Variants in TMEM132D observed in about 807,000 individuals in gnomAD.
The protein encoded by TMEM132D is transmembrane protein 132D.
TMEM132D carries 21 observed loss-of-function variants against 62.3 expected under a neutral mutation model. The observed-to-expected ratio is 0.34, with a 90% CI of 0.24 to 0.49. TMEM132D has a LOEUF of 0.49. Ranked by LOEUF, TMEM132D falls within the 20% of genes least tolerant of loss-of-function variation. The probability of loss-of-function intolerance (pLI) is 0.99; values close to 1 mark genes in which losing one functional copy is unlikely to be tolerated. For missense variants in TMEM132D, 1,346 were observed against 1,402.8 expected (o/e 0.96, Z 0.65); for synonymous variants, 621 against 575.6 (o/e 1.08, Z -1.13).
chr12:129,655,748 G>A (rs1880055338), intron 2 of TMEM132D, among the ~76,000 whole-genome samples: 1 of 152,092 alleles, frequency 6.6e-6, no homozygotes. Context: ...GCTGCTATCT[G>A]TTGAACCGGA....
chr12:129,802,183 G>A (rs1205554763), intron 1 of TMEM132D, among the ~76,000 whole-genome samples: 1 of 151,350 alleles, frequency 6.6e-6, no homozygotes, highest in Admixed American at 6.6e-5. Context: ...AGGAAATACA[G>A]AGAACGCCAC....
At chr12:129,510,427 T>C (rs948409597) in intron 3 of TMEM132D, among the ~76,000 whole-genome samples, 1 of 152,214 alleles carries the variant, frequency 6.6e-6, no homozygotes, top group African/African-American at 2.4e-5. Context: ...CTCTTCACTT[T>C]GTTGATTGTA....
intron 3 of TMEM132D, among the ~76,000 whole-genome samples, chr12:129,346,399 T>C (rs1026514131): frequency 1.3e-5 from 2 of 152,176 alleles, no homozygotes; most frequent in African/African-American, 4.8e-5. Flanking sequence ...CCTGGGTTCA[T>C]TGATTTTTTT....
At chr12:129,700,813 G>A (rs915822963) in intron 1 of TMEM132D, 115 bp from the exon 2 acceptor site, 1 of 1,213,498 alleles carries the variant, frequency 8.2e-7, no homozygotes, top group Admixed American at 2.8e-5. Context: ...CGCCAATTAT[G>A]CAATTCCTTA....
chr12:129,355,633 T>C (rs1196137498), intron 3 of TMEM132D, among the ~76,000 whole-genome samples: 1 of 152,184 alleles, frequency 6.6e-6, no homozygotes, highest in East Asian at 1.9e-4. Context: ...TGAGAGAATA[T>C]TTATTTTTAG....
intron 2 of TMEM132D, among the ~76,000 whole-genome samples, chr12:129,628,959 T>C (rs541956020): frequency 6.6e-6 from 1 of 151,830 alleles, no homozygotes; most frequent in East Asian, 1.9e-4. Context: ...CTCTCTCATG[T>C]CTTTTTCTCT....
At chr12:129,625,302 T>C (rs977560197) in intron 2 of TMEM132D, among the ~76,000 whole-genome samples, 1 of 152,234 alleles carries the variant, frequency 6.6e-6, no homozygotes, top group Admixed American at 6.5e-5. Flanking sequence ...CCCAACATTT[T>C]TGTAAGTTTC....
At chr12:129,116,538 A>G (rs137986290) in intron 5 of TMEM132D, among the ~76,000 whole-genome samples, 2 of 152,308 alleles carry the variant, frequency 1.3e-5, no homozygotes, top group African/African-American at 4.8e-5. Flanking sequence ...AAAATTCTTA[A>G]AACTCAACAA....
intron 5 of TMEM132D, among the ~76,000 whole-genome samples, chr12:129,090,444 C>T (rs1037635325): frequency 2.0e-5 from 3 of 152,266 alleles, no homozygotes; most frequent in Middle Eastern, 3.4e-3. Flanking sequence ...GGAGGAGGAT[C>T]ACCTGAGGTC....
intron 1 of TMEM132D, among the ~76,000 whole-genome samples, chr12:129,777,640 C>T (rs946076477): frequency 2.0e-5 from 3 of 152,180 alleles, no homozygotes; most frequent in South Asian, 4.1e-4. Flanking sequence ...CAACCACTTA[C>T]CATGTATATA....
At chr12:129,826,213 G>A (rs992961152) in intron 1 of TMEM132D, among the ~76,000 whole-genome samples, 2 of 152,196 alleles carry the variant, frequency 1.3e-5, no homozygotes, top group African/African-American at 4.8e-5. Flanking sequence ...GGGAGCAGGG[G>A]CCAGGATACA....
chr12:129,883,491 A>T (rs1019653667), intron 1 of TMEM132D, among the ~76,000 whole-genome samples: 1 of 152,220 alleles, frequency 6.6e-6, no homozygotes, highest in South Asian at 2.1e-4. Context: ...TACACTTCCA[A>T]TCAAAATCCC....
chr12:129,230,386 T>C (rs913123761), intron 4 of TMEM132D, among the ~76,000 whole-genome samples: 28 of 152,208 alleles, frequency 1.8e-4, no homozygotes, highest in African/African-American at 6.5e-4. Flanking sequence ...ATGATTCATG[T>C]CCTGTCCTCC....
chr12:129,236,778 G>A (rs1309167584), intron 4 of TMEM132D, among the ~76,000 whole-genome samples: 4 of 152,106 alleles, frequency 2.6e-5, no homozygotes, highest in Admixed American at 2.0e-4. Flanking sequence ...CTAGTGTGAT[G>A]AGAGTGGGCA....
chr12:129,223,065 G>T (rs530666764), intron 4 of TMEM132D, among the ~76,000 whole-genome samples: 3 of 152,180 alleles, frequency 2.0e-5, no homozygotes, highest in Non-Finnish European at 4.4e-5. Flanking sequence ...GCTGGGGGGA[G>T]AAAGAGATAA....
intron 5 of TMEM132D, among the ~76,000 whole-genome samples, chr12:129,193,157 CAAAAAAAA>C (rs56805583): frequency 1.7e-5 from 2 of 114,968 alleles, no homozygotes; most frequent in Non-Finnish European, 3.7e-5. Context: ...GATTCTGTCT[CAAAAAAAA>C]AAAAAAAAAA....
At chr12:129,199,504 A>G (rs148410644) in intron 5 of TMEM132D, among the ~76,000 whole-genome samples, 227 of 152,322 alleles carry the variant, frequency 1.5e-3, no homozygotes, top group African/African-American at 5.2e-3. Flanking sequence ...CAGAAGAAGA[A>G]CTTACAAGAT....
chr12:129,628,957 T>C (rs1283037993), intron 2 of TMEM132D, among the ~76,000 whole-genome samples: 1 of 151,550 alleles, frequency 6.6e-6, no homozygotes. Flanking sequence ...TTCTCTCTCA[T>C]GTCTTTTTCT....
rs778027282 is a variant in TMEM132D at position 129,818,593 on chromosome 12, TTGTG to T, written c.79+84664_79+84667del. 4.8e-5 allele frequency among the ~76,000 whole-genome samples: 7 copies of T among 146,462 alleles called. No homozygotes were observed. In the East Asian group the frequency reaches 8.3e-4, roughly 17 times the overall value. Reference sequence around the variant, plus strand: ...GTATGTGTATGTGTGTGGAGTGTGTTTGTGTGTGTGTATATGTGTGTGTGTGGTG... The same window carrying T: ...GTATGTGTATGTGTGTGGAGTGTGTTTGTGTGTATATGTGTGTGTGTGGTG... On this transcript the variant is annotated intron_variant, in intron 1 of 8. Transcript: ENST00000422113.
Sources: gnomAD v4.1 joint callset for allele counts (sites outside exome capture counted in the v4.1 genomes callset) on GRCh38, gnomAD v4.1.1 for gene constraint, MANE v1.5 for transcripts, NCBI Gene and HGNC (gene_info 2026-07-23, HGNC 2026-07-21) for gene names.